Variants in DGKB observed in about 807,000 individuals in gnomAD.
DGKB encodes the protein diacylglycerol kinase beta.
Under a neutral mutation model 114.3 loss-of-function variants are expected in DGKB, and 67 were observed. The ratio of observed to expected loss-of-function variants is 0.59; its 90% CI spans 0.48 to 0.72. The LOEUF is 0.72. Ranked by LOEUF, DGKB falls within the 30% of genes least tolerant of loss-of-function variation. The pLI is 0.00. For missense variants in DGKB, 907 were observed against 975.2 expected, an observed-to-expected ratio of 0.93 and a Z score of 0.93; for synonymous variants, 398 against 323.1, an observed-to-expected ratio of 1.23 and a Z score of -2.49.
intron 13 of DGKB, among the ~76,000 whole-genome samples, chr7:14,658,456 G>C (rs961825674): frequency 6.6e-6 from 1 of 151,864 alleles, no homozygotes; most frequent in South Asian, 2.1e-4. Flanking sequence ...AGAGAGGTTG[G>C]TTAATGGATA....
intron 23 of DGKB, among the ~76,000 whole-genome samples, chr7:14,318,750 C>G (rs1174903320): frequency 6.6e-6 from 1 of 152,048 alleles, no homozygotes; most frequent in Non-Finnish European, 1.5e-5. Flanking sequence ...GGATCTAGAA[C>G]TAGAAATACC....
intron 20 of DGKB, among the ~76,000 whole-genome samples, chr7:14,512,740 C>T (rs1226668290): frequency 6.6e-6 from 1 of 151,728 alleles, no homozygotes; most frequent in Admixed American, 6.6e-5. Flanking sequence ...GCTCCCTGTC[C>T]CTTATATATT....
intron 23 of DGKB, among the ~76,000 whole-genome samples, chr7:14,187,015 GAAAAATAA>G (rs1783545280): frequency 6.7e-6 from 1 of 150,242 alleles, no homozygotes; most frequent in African/African-American, 2.5e-5. Context: ...ATAACTTATG[GAAAAATAA>G]ATAAATAAAT....
At chr7:14,652,816 A>T (rs1814862301) in intron 13 of DGKB, among the ~76,000 whole-genome samples, 1 of 152,328 alleles carries the variant, frequency 6.6e-6, no homozygotes, top group South Asian at 2.1e-4. Flanking sequence ...AGAAAAAAAC[A>T]AACAACCCCA....
At chr7:14,660,410 A>C (rs1816792019) in intron 13 of DGKB, among the ~76,000 whole-genome samples, 2 of 151,598 alleles carry the variant, frequency 1.3e-5, no homozygotes, top group African/African-American at 2.4e-5. Context: ...ACAATTTCAG[A>C]TCCTGTTATT....
intron 23 of DGKB, among the ~76,000 whole-genome samples, chr7:14,315,594 A>G (rs1354631168): frequency 1.3e-5 from 2 of 148,642 alleles, no homozygotes; most frequent in East Asian, 2.0e-4. Context: ...TATCCTAAAT[A>G]TATATGCACC....
chr7:14,593,671 A>G (rs1383300182), intron 17 of DGKB, among the ~76,000 whole-genome samples: 3 of 151,944 alleles, frequency 2.0e-5, no homozygotes, highest in African/African-American at 4.8e-5. Flanking sequence ...ATATTCAAAA[A>G]CCAAGTAACC....
chr7:14,255,060 AAAT>A (rs1795765562), intron 23 of DGKB, among the ~76,000 whole-genome samples: 1 of 152,194 alleles, frequency 6.6e-6, no homozygotes, highest in Admixed American at 6.5e-5. Context: ...ATTTTAAAGT[AAAT>A]AATAAGTTAT....
At chr7:14,884,365 A>G (rs532691387) in intron 1 of DGKB, among the ~76,000 whole-genome samples, 1 of 152,094 alleles carries the variant, frequency 6.6e-6, no homozygotes, top group African/African-American at 2.4e-5. Context: ...TCCATCCTTG[A>G]ATGATTGTGA....
chr7:14,939,721 C>G (rs1163375805), intron 1 of DGKB, among the ~76,000 whole-genome samples: 1 of 130,312 alleles, frequency 7.7e-6, no homozygotes, highest in African/African-American at 3.0e-5. Flanking sequence ...TCATGCCATT[C>G]TCCTGCCTCA....
chr7:14,654,348 C>G (rs1815321829), intron 13 of DGKB, among the ~76,000 whole-genome samples: 1 of 151,908 alleles, frequency 6.6e-6, no homozygotes, highest in South Asian at 2.1e-4. Context: ...TAAATAATCT[C>G]TACAATTAAA....
intron 6 of DGKB, among the ~76,000 whole-genome samples, chr7:14,716,434 T>C (rs578200410): frequency 1.0e-3 from 154 of 152,330 alleles, no homozygotes; most frequent in African/African-American, 3.6e-3. Flanking sequence ...CTGCAAAAGT[T>C]AATTTTAGGT....
At chr7:14,621,215 C>T (rs1253268002) in intron 15 of DGKB, 163 bp downstream of exon 15, 7 of 551,084 alleles carry the variant, frequency 1.3e-5, no homozygotes, top group South Asian at 2.4e-5. Context: ...GTCAATCAAC[C>T]GTAAGACTGA....
At chr7:14,644,560 A>G (rs1167049155) in intron 13 of DGKB, among the ~76,000 whole-genome samples, 2 of 152,214 alleles carry the variant, frequency 1.3e-5, no homozygotes, top group East Asian at 1.9e-4. Flanking sequence ...CAATGAAAAT[A>G]TAAAAAGTAC....
intron 1 of DGKB, among the ~76,000 whole-genome samples, chr7:14,919,418 T>C (rs1239625665): frequency 2.6e-5 from 4 of 152,118 alleles, no homozygotes; most frequent in African/African-American, 9.7e-5. Flanking sequence ...TAGATATCCA[T>C]ATGCAAATGT....
At chr7:14,405,697 G>T (rs532398834) in intron 21 of DGKB, among the ~76,000 whole-genome samples, 9 of 152,090 alleles carry the variant, frequency 5.9e-5, no homozygotes, top group African/African-American at 2.2e-4. Flanking sequence ...AGCTATATAG[G>T]TTGTGCCTCA....
At chr7:14,367,386 C>T (rs921326912) in intron 21 of DGKB, among the ~76,000 whole-genome samples, 1 of 151,932 alleles carries the variant, frequency 6.6e-6, no homozygotes, top group Non-Finnish European at 1.5e-5. Flanking sequence ...GAATAAGTCT[C>T]ACGAGATCTG....
intron 25 of DGKB, among the ~76,000 whole-genome samples, chr7:14,167,617 A>G (rs1784799069): frequency 6.6e-6 from 1 of 152,218 alleles, no homozygotes; most frequent in Admixed American, 6.5e-5. Context: ...CTTAACAAAC[A>G]TACTGATGAC....
At chr7:14,586,379 T>G (rs763299236) in intron 17 of DGKB, among the ~76,000 whole-genome samples, 5 of 151,936 alleles carry the variant, frequency 3.3e-5, no homozygotes, top group Non-Finnish European at 5.9e-5. Flanking sequence ...CTGAGAGATG[T>G]GAGGAAGCTG....
Sources: gnomAD v4.1 joint callset for allele counts (sites outside exome capture counted in the v4.1 genomes callset) on GRCh38, gnomAD v4.1.1 for gene constraint, MANE v1.5 for transcripts, NCBI Gene and HGNC (gene_info 2026-07-23, HGNC 2026-07-21) for gene names.